The following SPOCK1 variants were observed in gnomAD, a reference collection of about 807,000 sequenced individuals.
SPOCK1 encodes testican-1.
A neutral mutation model predicts 55.3 loss-of-function variants in SPOCK1; 23 were observed. That is an observed-to-expected ratio of 0.42 (90% CI 0.30 to 0.59). The LOEUF (loss-of-function observed/expected upper bound fraction) is 0.59. Ranked by LOEUF, SPOCK1 falls within the 20% of genes least tolerant of loss-of-function variation. The pLI, the probability that SPOCK1 is intolerant of heterozygous loss-of-function variation, is 0.22. For missense variants in SPOCK1, 499 were observed against 552.5 expected, an observed-to-expected ratio of 0.90 and a Z score of 0.97; for synonymous variants, 226 against 221.0, an observed-to-expected ratio of 1.02 and a Z score of -0.20.
intron 2 of SPOCK1, among the ~76,000 whole-genome samples, chr5:137,368,401 C>T (rs1024060888): frequency 6.6e-6 from 1 of 152,132 alleles, no homozygotes; most frequent in African/African-American, 2.4e-5. Flanking sequence ...CTGTGACCTG[C>T]TTTGGGGGTC....
Position 137,101,806 on chromosome 5 carries a change from G to A in SPOCK1, c.474+10629C>T, listed in dbSNP as rs188519661. 1.2e-3 allele frequency among the ~76,000 whole-genome samples: 185 copies of A among 152,294 alleles called. 4 individuals are homozygous for A. In the Middle Eastern group the frequency reaches 0.024, roughly 20 times the overall value. The stretch of plus-strand genomic sequence containing the variant: ...AAGAAATAAATGCTGGGAGAACTAA[G>A]GACAGATGTGTCCCACGATCAGAAG... On this transcript the variant is annotated intron_variant, in intron 5 of 10. Transcript: ENST00000394945.
At chr5:137,057,899 G>A (rs923191161) in intron 6 of SPOCK1, among the ~76,000 whole-genome samples, 10 of 152,178 alleles carry the variant, frequency 6.6e-5, no homozygotes, top group African/African-American at 2.2e-4. Context: ...AGCTAGGTTG[G>A]AAACTTGTAG....
At chr5:137,355,724 A>AC (rs895087245) in intron 2 of SPOCK1, among the ~76,000 whole-genome samples, 21 of 151,056 alleles carry the variant, frequency 1.4e-4, no homozygotes, top group Non-Finnish European at 1.8e-4. Flanking sequence ...TTTCCACAAC[A>AC]CCCCCCCACA....
chr5:137,067,738 G>T lies in SPOCK1; in HGVS notation c.566C>A (p.Pro189Gln). ...ACCACTCCTTTCTGCCTTGTGCTTT[G>T]GTGGCTCAGGCTCTGGGAGACAGGG... is the stretch of plus-strand genomic sequence containing the variant. ...PCPCLPEPEPPKHKAERSACT... is the reference protein window; with the variant it reads ...PCPCLPEPEPQKHKAERSACT... The change falls in exon 6 of 11, where the codon CCA (proline) becomes CAA (glutamine). Residue 189 changes from proline to glutamine, a missense_variant. Transcript: ENST00000394945. 6.2e-7 allele frequency: 1 copy of T among 1,614,130 alleles called. No homozygotes were observed. The highest frequency in any genetic ancestry group is 8.5e-7 in the Non-Finnish European group (1 of 1,180,004).
intron 2 of SPOCK1, among the ~76,000 whole-genome samples, chr5:137,496,225 C>T (rs181443676): frequency 1.1e-4 from 16 of 152,240 alleles, no homozygotes; most frequent in Admixed American, 7.2e-4. Flanking sequence ...ACCATGGATG[C>T]TATAATTTAA....
intron 3 of SPOCK1, among the ~76,000 whole-genome samples, chr5:137,243,659 G>GA (rs1184058713): frequency 6.6e-6 from 1 of 152,168 alleles, no homozygotes; most frequent in Non-Finnish European, 1.5e-5. Flanking sequence ...AATTCTGCAG[G>GA]AAAAATGCCA....
intron 2 of SPOCK1, 127 bp downstream of exon 2, chr5:137,498,246 C>T (rs1184013642): frequency 1.0e-5 from 10 of 971,000 alleles, no homozygotes; most frequent in Non-Finnish European, 1.2e-5. Flanking sequence ...GCGGGAGATG[C>T]CCACCTGTCC....
At chr5:137,239,602 G>A (rs1326703152) in intron 3 of SPOCK1, among the ~76,000 whole-genome samples, 1 of 152,126 alleles carries the variant, frequency 6.6e-6, no homozygotes, top group Non-Finnish European at 1.5e-5. Context: ...CAAGTGGATA[G>A]TGTCAGAATT....
chr5:137,051,570 C>G (rs2189597), intron 6 of SPOCK1, among the ~76,000 whole-genome samples: 94,598 of 152,060 alleles, frequency 0.62, 34,302 homozygotes, highest in Non-Finnish European at 0.81. Flanking sequence ...ATGGACCTGA[C>G]TGGATAAAAA....
chr5:137,181,965 A>T (rs928935422), intron 3 of SPOCK1, among the ~76,000 whole-genome samples: 1 of 151,010 alleles, frequency 6.6e-6, no homozygotes, highest in African/African-American at 2.5e-5. Context: ...CTGAACCTCC[A>T]CTGGTAGCAA....
intron 2 of SPOCK1, among the ~76,000 whole-genome samples, chr5:137,363,736 G>A (rs74720795): frequency 6.6e-6 from 1 of 152,198 alleles, no homozygotes; most frequent in African/African-American, 2.4e-5. Flanking sequence ...TAGAAATGGA[G>A]ACTTTTTGAA....
chr5:137,104,195 C>T (rs534832051), intron 5 of SPOCK1, among the ~76,000 whole-genome samples: 4 of 152,236 alleles, frequency 2.6e-5, no homozygotes, highest in South Asian at 4.2e-4. Flanking sequence ...GTGCCATTTT[C>T]GTGATAAGAG....
At chr5:137,271,151 A>T (rs966123198) in intron 2 of SPOCK1, among the ~76,000 whole-genome samples, 2 of 151,582 alleles carry the variant, frequency 1.3e-5, no homozygotes, top group South Asian at 4.2e-4. Flanking sequence ...AGCAAATAAG[A>T]CTCCAGTTAT....
intron 3 of SPOCK1, among the ~76,000 whole-genome samples, chr5:137,250,858 A>C (rs1865403): frequency 0.067 from 10,249 of 152,280 alleles, 1,056 homozygotes; most frequent in African/African-American, 0.23. Flanking sequence ...ACTTGCCTGT[A>C]TTAGCTCACT....
At chr5:137,468,568 T>C (rs1293810854) in intron 2 of SPOCK1, among the ~76,000 whole-genome samples, 1 of 152,216 alleles carries the variant, frequency 6.6e-6, no homozygotes, top group Non-Finnish European at 1.5e-5. Flanking sequence ...TGTAATCCTA[T>C]TGACGAAGGA....
chr5:137,131,923 G>T (rs1293286319), intron 4 of SPOCK1, among the ~76,000 whole-genome samples: 20 of 109,348 alleles, frequency 1.8e-4, no homozygotes, highest in East Asian at 2.7e-4. Flanking sequence ...AGTGAGCCGA[G>T]ATCGCGCCAC....
In SPOCK1 at chr5:137,100,254, G is replaced by T. The variant is rs569164374; in HGVS notation, c.474+12181C>A. Among the ~76,000 whole-genome samples the T allele has an allele frequency of 6.6e-5, 10 of 152,194 alleles. No individual in the cohort carries two copies. The South Asian group carries it at 2.1e-3, about 32-fold the overall frequency. On this transcript the variant is annotated intron_variant, in intron 5 of 10. Transcript: ENST00000394945. ...GAAAATGGTTCCTCCTTTTTTGTAG[G>T]GCTAGATGTGGGTGAGGGATCATCA... is the stretch of plus-strand genomic sequence containing the variant.
At chr5:137,161,356 C>T (rs1754554634) in intron 3 of SPOCK1, among the ~76,000 whole-genome samples, 1 of 151,614 alleles carries the variant, frequency 6.6e-6, no homozygotes, top group African/African-American at 2.4e-5. Context: ...CAGCAGTAAA[C>T]CTAATGCTTT....
At chr5:137,202,329 G>C (rs1181564023) in intron 3 of SPOCK1, among the ~76,000 whole-genome samples, 1 of 152,190 alleles carries the variant, frequency 6.6e-6, no homozygotes, top group Non-Finnish European at 1.5e-5. Context: ...ACTTGCTTGT[G>C]AATATACTGC....
Sources: allele counts gnomAD v4.1 joint callset (sites outside exome capture counted in the v4.1 genomes callset), GRCh38; gene constraint gnomAD v4.1.1; transcripts MANE v1.5; gene names NCBI Gene and HGNC (gene_info 2026-07-23, HGNC 2026-07-21).